PXDNL: variants seen among roughly 807,000 people sequenced by gnomAD.
PXDNL encodes the protein probable oxidoreductase PXDNL.
A neutral mutation model predicts 150.8 loss-of-function variants in PXDNL; 145 were observed. The ratio of observed to expected loss-of-function variants is 0.96; its 90% CI spans 0.84 to 1.10. The LOEUF is 1.10. Among genes scored for constraint, PXDNL ranks in the 50% least tolerant of loss-of-function variants. The pLI, the probability that PXDNL is intolerant of heterozygous loss-of-function variation, is 0.00. For synonymous variants in PXDNL, 757 were observed against 725.7 expected (o/e 1.04, Z -0.69); for missense variants, 2,087 against 1,873.9 (o/e 1.11, Z -2.10).
At chr8:51,511,068 A>G (rs746497278) in intron 4 of PXDNL, among the ~76,000 whole-genome samples, 1 of 152,188 alleles carries the variant, frequency 6.6e-6, no homozygotes, top group Non-Finnish European at 1.5e-5. Flanking sequence ...TAATCCCAAG[A>G]GAAAATGCAG....
chr8:51,568,213 C>A (rs1394828339), intron 3 of PXDNL, among the ~76,000 whole-genome samples: 1 of 151,290 alleles, frequency 6.6e-6, no homozygotes, highest in Non-Finnish European at 1.5e-5. Context: ...ATTGCTCCAC[C>A]TTCCTTTGTA....
intron 4 of PXDNL, among the ~76,000 whole-genome samples, chr8:51,515,443 G>T (rs755264828): frequency 1.3e-5 from 2 of 152,162 alleles, no homozygotes; most frequent in African/African-American, 2.4e-5. Flanking sequence ...CGGCATCCAT[G>T]TTCTCCAGGC....
chr8:51,499,582 C>T, intron 5 of PXDNL, 117 bp downstream of exon 5: 1 of 714,406 alleles, frequency 1.4e-6, no homozygotes, highest in Non-Finnish European at 2.5e-6. Flanking sequence ...TGCCAAGGTA[C>T]AGGCTCTGCC....
At chr8:51,544,729 C>G (rs1156562767) in intron 4 of PXDNL, among the ~76,000 whole-genome samples, 1 of 152,176 alleles carries the variant, frequency 6.6e-6, no homozygotes, top group East Asian at 1.9e-4. Context: ...ACAGGAAAAT[C>G]AAAAAGTGTA....
chr8:51,756,376 A>G (rs1270876588), intron 1 of PXDNL, among the ~76,000 whole-genome samples: 1 of 150,136 alleles, frequency 6.7e-6, no homozygotes, highest in Non-Finnish European at 1.5e-5. Flanking sequence ...TGGGTGACAC[A>G]GTGAGACCCC....
At chr8:51,662,619 T>C (rs1372988487) in intron 1 of PXDNL, among the ~76,000 whole-genome samples, 1 of 152,238 alleles carries the variant, frequency 6.6e-6, no homozygotes, top group African/African-American at 2.4e-5. Context: ...GTATTAGTTA[T>C]AAGCAATCTA....
intron 1 of PXDNL, among the ~76,000 whole-genome samples, chr8:51,681,564 G>C (rs916353897): frequency 3.3e-5 from 5 of 152,204 alleles, no homozygotes; most frequent in African/African-American, 1.2e-4. Flanking sequence ...CAGGGCTGCA[G>C]AGTCACCCAG....
intron 3 of PXDNL, among the ~76,000 whole-genome samples, chr8:51,569,790 C>T (rs536648705): frequency 1.4e-4 from 21 of 151,924 alleles, no homozygotes; most frequent in South Asian, 6.2e-4. Context: ...AAACTGACAG[C>T]TAATTTAATT....
At chr8:51,375,619 A>G (rs891512700) in intron 17 of PXDNL, among the ~76,000 whole-genome samples, 1 of 152,030 alleles carries the variant, frequency 6.6e-6, no homozygotes, top group Non-Finnish European at 1.5e-5. Flanking sequence ...TACTTTCTTC[A>G]TTTTCTCTGC....
chr8:51,391,263 G>A (rs1183042672), intron 17 of PXDNL, among the ~76,000 whole-genome samples: 5 of 152,106 alleles, frequency 3.3e-5, no homozygotes, highest in Non-Finnish European at 5.9e-5. Flanking sequence ...ACCCAGTAAT[G>A]GGATGGCTGG....
At chr8:51,458,546 T>C (rs758438926) in intron 8 of PXDNL, among the ~76,000 whole-genome samples, 7 of 152,248 alleles carry the variant, frequency 4.6e-5, no homozygotes, top group Non-Finnish European at 8.8e-5. Flanking sequence ...CTCCTCCATC[T>C]TCATCACTCA....
At chr8:51,599,513 G>A (rs1017897457) in intron 2 of PXDNL, among the ~76,000 whole-genome samples, 7 of 150,922 alleles carry the variant, frequency 4.6e-5, no homozygotes, top group Admixed American at 3.3e-4. Context: ...TTCCATGTAA[G>A]GGTGAGGTTT....
intron 3 of PXDNL, among the ~76,000 whole-genome samples, chr8:51,577,563 T>TTA (rs199600480): frequency 9.8e-5 from 14 of 143,574 alleles, no homozygotes; most frequent in Admixed American, 4.2e-4. Flanking sequence ...TACATATATT[T>TTA]TATATATATA....
rs756266792 is a variant in PXDNL at position 51,408,480 on chromosome 8, A to C, written c.3144T>G (p.Phe1048Leu). The change falls in exon 17 of 23, where the codon TTT (phenylalanine) becomes TTG (leucine). Residue 1048 changes from phenylalanine to leucine, a missense_variant. By Grantham distance (22) the Phe-to-Leu change is conservative. Transcript: ENST00000356297. ...GGCCAAATCTAAAGGCTGCAGTAGC[A>C]AAAGAGTTAATGATGCCTGCATTCA... Reference protein sequence around the residue: ...PNVNAGIINSFATAAFRFGHT... With the variant: ...PNVNAGIINSLATAAFRFGHT... 2 of 1,613,772 alleles carry C rather than the reference A, an allele frequency of 1.2e-6. No homozygotes were observed. Among genetic ancestry groups the C allele is most frequent in the East Asian group, 4.5e-5 (2 of 44,874 alleles).
At chr8:51,797,291 C>T (rs1404585303) in intron 1 of PXDNL, among the ~76,000 whole-genome samples, 1 of 152,188 alleles carries the variant, frequency 6.6e-6, no homozygotes, top group Non-Finnish European at 1.5e-5. Context: ...TCTCACCACT[C>T]CTATTCAACA....
chr8:51,550,370 G>T (rs1293710119), intron 4 of PXDNL, among the ~76,000 whole-genome samples: 1 of 151,896 alleles, frequency 6.6e-6, no homozygotes, highest in Non-Finnish European at 1.5e-5. Flanking sequence ...ACGAGGAGAT[G>T]ATGTAACAAA....
chr8:51,424,352 T>A (rs898281104), intron 13 of PXDNL, among the ~76,000 whole-genome samples: 8 of 152,066 alleles, frequency 5.3e-5, no homozygotes, highest in African/African-American at 1.9e-4. Flanking sequence ...CTGGGCAACA[T>A]AGCAAGATCC....
intron 8 of PXDNL, among the ~76,000 whole-genome samples, chr8:51,461,136 C>G (rs2130022991): frequency 6.6e-6 from 1 of 152,334 alleles, no homozygotes; most frequent in African/African-American, 2.4e-5. Context: ...AAGGACAAAA[C>G]CACAGGCCCA....
chr8:51,651,586 G>T (rs1484918038), intron 2 of PXDNL, among the ~76,000 whole-genome samples: 1 of 152,170 alleles, frequency 6.6e-6, no homozygotes, highest in Admixed American at 6.5e-5. Context: ...AGATGAGTGA[G>T]GAGTATCAGC....
Sources: allele counts gnomAD v4.1 joint callset (sites outside exome capture counted in the v4.1 genomes callset), GRCh38; gene constraint gnomAD v4.1.1; transcripts MANE v1.5; gene names NCBI Gene and HGNC (gene_info 2026-07-23, HGNC 2026-07-21).